The following SRL variants were observed in gnomAD, a reference collection of about 807,000 sequenced individuals.
The protein encoded by SRL is sarcalumenin.
Under a neutral mutation model 39.5 loss-of-function variants are expected in SRL, and 23 were observed. That is an observed-to-expected ratio of 0.58 (90% CI 0.42 to 0.82). SRL has a LOEUF of 0.82. Among genes scored for constraint, SRL ranks in the 40% least tolerant of loss-of-function variants. The pLI is 0.00. For missense variants in SRL, 592 were observed against 607.8 expected (o/e 0.97, Z 0.27); for synonymous variants, 272 against 237.4 (o/e 1.15, Z -1.34).
intron 1 of SRL, among the ~76,000 whole-genome samples, chr16:4,238,551 G>A (rs1333598183): frequency 6.6e-6 from 1 of 152,014 alleles, no homozygotes; most frequent in Non-Finnish European, 1.5e-5. Flanking sequence ...GACCTTCACT[G>A]TAATACCTGG....
At position 4,190,034 on chromosome 16, in the gene SRL, G is replaced by C. The variant is rs973949431; in HGVS notation, c.*2119C>G. On this transcript the variant is annotated 3_prime_UTR_variant, in exon 6 of 6. Transcript: ENST00000399609. Reference sequence around the variant, plus strand: ...TCCATCTCATCAGCCCCTATCACAGGCTCCGTGGATGCCCCTTGCAGAACT... The same window carrying C: ...TCCATCTCATCAGCCCCTATCACAGCCTCCGTGGATGCCCCTTGCAGAACT... The C allele has an allele frequency of 5.3e-6, 2 of 377,756 alleles. No individual in the cohort carries two copies. The highest frequency in any genetic ancestry group is 9.4e-6 in the Non-Finnish European group (2 of 213,334). 23.4% of individuals were successfully genotyped at this position (377,756 alleles called of 1,614,324 possible).
intron 1 of SRL, among the ~76,000 whole-genome samples, chr16:4,219,695 A>C (rs997626091): frequency 1.3e-5 from 2 of 152,110 alleles, no homozygotes; most frequent in African/African-American, 4.8e-5. Context: ...TCCTGCACTC[A>C]AGTGATCCTC....
chr16:4,223,526 G>A (rs1180554869), intron 1 of SRL, among the ~76,000 whole-genome samples: 1 of 151,654 alleles, frequency 6.6e-6, no homozygotes, highest in Non-Finnish European at 1.5e-5. Context: ...ACAGGTGCAT[G>A]CCATCATATC....
intron 1 of SRL, among the ~76,000 whole-genome samples, chr16:4,233,537 C>T (rs2052680809): frequency 6.6e-6 from 1 of 152,160 alleles, no homozygotes; most frequent in Non-Finnish European, 1.5e-5. Context: ...TGAACTTCAA[C>T]CAGAGTGAGC....
intron 1 of SRL, among the ~76,000 whole-genome samples, chr16:4,226,203 A>ACC (rs2052586425): frequency 1.3e-5 from 2 of 152,074 alleles, no homozygotes; most frequent in African/African-American, 4.8e-5. Context: ...ACCTTCTAAT[A>ACC]ATCTACATAA....
At chr16:4,210,562 T>G (rs2052381286) in intron 1 of SRL, among the ~76,000 whole-genome samples, 1 of 144,294 alleles carries the variant, frequency 6.9e-6, no homozygotes, top group South Asian at 2.3e-4. Flanking sequence ...GCGATCTCGG[T>G]TCACTGTAAT....
At chr16:4,229,347 G>A (rs138381255) in intron 1 of SRL, among the ~76,000 whole-genome samples, 47 of 152,196 alleles carry the variant, frequency 3.1e-4, no homozygotes. Flanking sequence ...GGGAGGCTGA[G>A]GCAGGAGAAT....
In SRL at chr16:4,192,251, G is replaced by A. The variant is rs867434077; in HGVS notation, c.1324C>T (p.Leu442Phe). Reference sequence around the variant, plus strand: ...TTCCCGAGCCCGAGGCTACCCAGGAGGCCCGGAAGCTCCTGAGTGATGGCC... The same window carrying A: ...TTCCCGAGCCCGAGGCTACCCAGGAAGCCCGGAAGCTCCTGAGTGATGGCC... ...ERAITQELPG[L>F]LGSLGLGKNP... The change falls in exon 6 of 6, where the codon CTC becomes TTC. Residue 442 changes from leucine to phenylalanine, a missense_variant. Transcript: ENST00000399609. The surrounding 1 kb of genome is among the most constrained non-coding windows in gnomAD (Gnocchi z 4.0). The A allele has an allele frequency of 6.2e-7, 1 of 1,613,788 alleles. No homozygotes were observed. Among genetic ancestry groups the A allele is most frequent in the Non-Finnish European group, 8.5e-7 (1 of 1,179,868 alleles).
chr16:4,209,695 T>C (rs1008970570), intron 1 of SRL, among the ~76,000 whole-genome samples: 2 of 152,242 alleles, frequency 1.3e-5, no homozygotes, highest in Non-Finnish European at 2.9e-5. Context: ...ATGTGAAGCT[T>C]GGTGCCTTTT....
intron 1 of SRL, among the ~76,000 whole-genome samples, chr16:4,213,534 C>G (rs2052421068): frequency 1.3e-5 from 2 of 151,318 alleles, no homozygotes; most frequent in African/African-American, 4.9e-5. Context: ...CTCAGCTCCC[C>G]CAAACAGCTG....
chr16:4,215,069 C>T (rs1420526931), intron 1 of SRL, among the ~76,000 whole-genome samples: 1 of 152,208 alleles, frequency 6.6e-6, no homozygotes, highest in Admixed American at 6.5e-5. Flanking sequence ...CACCCGGCCT[C>T]TTCCACTTCT....
chr16:4,193,313 G>A (rs991079688), intron 5 of SRL, among the ~76,000 whole-genome samples: 5 of 152,144 alleles, frequency 3.3e-5, no homozygotes, highest in African/African-American at 7.2e-5. Context: ...GGTAATAGGC[G>A]TGAGCCACCA....
rs180733702 is a variant in SRL, at chr16:4,223,760, A to G, written c.61+18247T>C. On this transcript the variant is annotated intron_variant, in intron 1 of 5. Transcript: ENST00000399609. ...AACATCCGAGAACCACCATCCTTGG[A>G]CCTTGATTATGGGAGCCAATCTAAG... 1.0e-3 allele frequency among the ~76,000 whole-genome samples: 158 copies of G among 152,174 alleles called. 5 individuals are homozygous for G. The highest frequency in any genetic ancestry group is 8.8e-3 in the Admixed American group (134 of 15,274).
At chr16:4,228,644 A>G (rs890673599) in intron 1 of SRL, among the ~76,000 whole-genome samples, 2 of 152,056 alleles carry the variant, frequency 1.3e-5, no homozygotes, top group African/African-American at 4.8e-5. Flanking sequence ...TTGAGGCAGG[A>G]GAATGGAGTG....
intron 1 of SRL, among the ~76,000 whole-genome samples, chr16:4,224,719 C>G (rs117376742): frequency 2.4e-3 from 356 of 145,988 alleles, no homozygotes; most frequent in Non-Finnish European, 4.0e-3. Flanking sequence ...GACCCTATCT[C>G]GAGAAAAAAA....
At chr16:4,196,073 A>T (rs1452966966) in intron 4 of SRL, among the ~76,000 whole-genome samples, 5 of 151,690 alleles carry the variant, frequency 3.3e-5, no homozygotes, top group African/African-American at 1.2e-4. Context: ...CGATTCTCCC[A>T]CCTCAGCCTC....
intron 1 of SRL, among the ~76,000 whole-genome samples, chr16:4,241,095 G>A (rs2052767709): frequency 6.6e-6 from 1 of 152,098 alleles, no homozygotes; most frequent in Non-Finnish European, 1.5e-5. Flanking sequence ...CCCAGGTACG[G>A]ACCTAGGCTC....
chr16:4,211,449 T>C (rs1211853750), intron 1 of SRL, among the ~76,000 whole-genome samples: 2 of 151,760 alleles, frequency 1.3e-5, no homozygotes, highest in Non-Finnish European at 2.9e-5. Context: ...ATGATGAGGA[T>C]CGTGATGATG....
chr16:4,193,968 C>T (rs1367642449), intron 5 of SRL, among the ~76,000 whole-genome samples: 1 of 150,832 alleles, frequency 6.6e-6, no homozygotes, highest in African/African-American at 2.4e-5. Context: ...AATATTACTA[C>T]TAATATTATT....
Sources: gnomAD v4.1 joint callset for allele counts (sites outside exome capture counted in the v4.1 genomes callset) on GRCh38, gnomAD v4.1.1 for gene constraint, Gnocchi (gnomAD v3.1) non-coding constraint, MANE v1.5 for transcripts, NCBI Gene and HGNC (gene_info 2026-07-23, HGNC 2026-07-21) for gene names.